KLF8: variants seen among roughly 807,000 people sequenced by gnomAD.
The protein encoded by KLF8 is Krueppel-like factor 8.
KLF8 carries 10 observed loss-of-function variants against 18.2 expected under a neutral mutation model. That is an observed-to-expected ratio of 0.55 (90% CI 0.34 to 0.93). KLF8 has a LOEUF of 0.93. Ranked by LOEUF, KLF8 falls within the 40% of genes least tolerant of loss-of-function variation. KLF8 has a pLI of 0.02. For synonymous variants in KLF8, 109 were observed against 97.3 expected (o/e 1.12, Z -0.71); for missense variants, 264 against 277.9 (o/e 0.95, Z 0.36).
At chrX:56,280,390 C>A (rs1243783493) in intron 5 of KLF8, among the ~76,000 whole-genome samples, 1 of 111,525 alleles carries the variant, frequency 9.0e-6, no homozygotes, top group Non-Finnish European at 1.9e-5. Context: ...CATGCCACCA[C>A]ACCTGGCTAA....
chrX:56,185,104 G>A, the KLF8 span, among the ~76,000 whole-genome samples: 3 of 111,971 alleles, frequency 2.7e-5, no homozygotes, highest in South Asian at 3.7e-4. Flanking sequence ...CAAACCAAAG[G>A]CAAAGAAGTT....
chrX:56,090,740 C>T, the KLF8 span, among the ~76,000 whole-genome samples: 1 of 111,589 alleles, frequency 9.0e-6, no homozygotes, highest in Non-Finnish European at 1.9e-5. Flanking sequence ...ATAGTGAACA[C>T]TGTACCCAAT....
chrX:56,266,107 A>T, intron 3 of KLF8: 2 of 777,161 alleles, frequency 2.6e-6, no homozygotes, highest in Non-Finnish European at 3.1e-6. Flanking sequence ...CATGCTTCAA[A>T]AATAGTTGAA....
the KLF8 span, among the ~76,000 whole-genome samples, chrX:56,136,223 C>G: frequency 9.0e-6 from 1 of 111,696 alleles, no homozygotes; most frequent in Non-Finnish European, 1.9e-5. Context: ...CTACCAATGC[C>G]TTTCTTCACA....
At chrX:56,197,165 T>C in the KLF8 span, among the ~76,000 whole-genome samples, 1 of 110,829 alleles carries the variant, frequency 9.0e-6, no homozygotes, top group Non-Finnish European at 1.9e-5. Context: ...TTTGACACCC[T>C]AACATCACAG....
At chrX:56,158,988 G>C in the KLF8 span, among the ~76,000 whole-genome samples, 1 of 111,652 alleles carries the variant, frequency 9.0e-6, no homozygotes, top group Non-Finnish European at 1.9e-5. Context: ...AATGCTTCCT[G>C]TTTTTGCCCA....
chrX:55,921,153 A>G, the KLF8 span, among the ~76,000 whole-genome samples: 2 of 112,582 alleles, frequency 1.8e-5, no homozygotes, highest in South Asian at 7.3e-4. Context: ...AATATTCAGC[A>G]TATACAAGGA....
At chrX:56,257,761 G>A (rs1418152797) in intron 2 of KLF8, among the ~76,000 whole-genome samples, 11 of 112,338 alleles carry the variant, frequency 9.8e-5, no homozygotes, top group Non-Finnish European at 1.9e-4. Flanking sequence ...TTCCGCCATC[G>A]ATGGGCGCTT....
At chrX:56,006,402 C>T in the KLF8 span, among the ~76,000 whole-genome samples, 1 of 111,855 alleles carries the variant, frequency 8.9e-6, no homozygotes, top group Non-Finnish European at 1.9e-5. Context: ...TCATCTTCCC[C>T]CTTCATCCTA....
chrX:56,201,125 A>G, the KLF8 span, among the ~76,000 whole-genome samples: 1 of 112,135 alleles, frequency 8.9e-6, no homozygotes, highest in South Asian at 3.7e-4. Context: ...ATCCAAAGAA[A>G]TTGAAATCAG....
At chrX:56,077,176 T>G in the KLF8 span, among the ~76,000 whole-genome samples, 1 of 112,281 alleles carries the variant, frequency 8.9e-6, no homozygotes, top group Non-Finnish European at 1.9e-5. Flanking sequence ...ATGGCTTTTG[T>G]TGCCATTGCT....
the KLF8 span, among the ~76,000 whole-genome samples, chrX:56,146,011 G>C: frequency 8.9e-6 from 1 of 112,356 alleles, no homozygotes; most frequent in Non-Finnish European, 1.9e-5. Context: ...ACCACAATGA[G>C]ATACCATCTT....
the KLF8 span, among the ~76,000 whole-genome samples, chrX:56,186,781 G>C: frequency 1.8e-4 from 20 of 112,112 alleles, no homozygotes; most frequent in African/African-American, 6.2e-4. Context: ...TGACTACTGG[G>C]TACATAACGA....
the KLF8 span, among the ~76,000 whole-genome samples, chrX:56,079,535 A>G: frequency 9.0e-6 from 1 of 111,239 alleles, no homozygotes; most frequent in Non-Finnish European, 1.9e-5. Context: ...GTTCTTTTAC[A>G]TTTGCTGAGG....
chrX:56,169,377 G>A, the KLF8 span, among the ~76,000 whole-genome samples: 5 of 111,021 alleles, frequency 4.5e-5, no homozygotes, highest in East Asian at 2.9e-4. Context: ...GGAGGATAGA[G>A]CGGCAAGTTT....
At chrX:56,173,948 A>G in the KLF8 span, among the ~76,000 whole-genome samples, 2 of 112,025 alleles carry the variant, frequency 1.8e-5, no homozygotes, top group African/African-American at 3.2e-5. Flanking sequence ...TTGATTTTGT[A>G]TCCTGAGACT....
the KLF8 span, among the ~76,000 whole-genome samples, chrX:56,001,941 A>T: frequency 8.0e-5 from 9 of 112,145 alleles, no homozygotes; most frequent in Non-Finnish European, 1.1e-4. Context: ...CTTTAAACAG[A>T]ATCTTTTTAA....
chrX:56,084,179 G>A, the KLF8 span, among the ~76,000 whole-genome samples: 2 of 111,094 alleles, frequency 1.8e-5, no homozygotes, highest in African/African-American at 6.6e-5. Context: ...CTAGGAGTTT[G>A]AGTCACCTGG....
the KLF8 span, chrX:55,908,773 G>A: frequency 3.6e-6 from 1 of 278,972 alleles, no homozygotes; most frequent in East Asian, 5.1e-5. Context: ...GGGAGGAGAG[G>A]ATGCCTTCGG....
Sources: gnomAD v4.1 joint callset for allele counts (sites outside exome capture counted in the v4.1 genomes callset) on GRCh38, gnomAD v4.1.1 for gene constraint, MANE v1.5 for transcripts, NCBI Gene and HGNC (gene_info 2026-07-23, HGNC 2026-07-21) for gene names.